The following MAPT variants were observed in gnomAD, a reference collection of about 807,000 sequenced individuals.
MAPT encodes the protein microtubule-associated protein tau.
In MAPT, 34 loss-of-function variants were observed where a neutral mutation model predicts 67.9. The observed-to-expected ratio is 0.50, with a 90% confidence interval of 0.38 to 0.67. The LOEUF (loss-of-function observed/expected upper bound fraction) is 0.67. Ranked by LOEUF, MAPT falls within the 30% of genes least tolerant of loss-of-function variation. MAPT has a pLI of 0.00. For synonymous variants in MAPT, 456 were observed against 464.5 expected (o/e 0.98, Z 0.23); for missense variants, 881 against 1,115.2 (o/e 0.79, Z 2.99).
At chr17:45,970,026 A>G (rs2071490213) in intron 2 of MAPT, among the ~76,000 whole-genome samples, 1 of 145,974 alleles carries the variant, frequency 6.9e-6, no homozygotes, top group South Asian at 2.2e-4. Context: ...CCATCCATCC[A>G]TCCATCCATT....
At chr17:45,968,182 A>C (rs2071277593) in intron 2 of MAPT, among the ~76,000 whole-genome samples, 1 of 151,258 alleles carries the variant, frequency 6.6e-6, no homozygotes, top group African/African-American at 2.4e-5. Flanking sequence ...TCATACAGCC[A>C]GAAAAACAAA....
chr17:45,997,918 G>T (rs373269900), intron 9 of MAPT, among the ~76,000 whole-genome samples: 5 of 152,224 alleles, frequency 3.3e-5, no homozygotes, highest in African/African-American at 1.2e-4. Flanking sequence ...GCTTCAACAT[G>T]TGAATTTGCG....
intron 1 of MAPT, among the ~76,000 whole-genome samples, chr17:45,904,668 G>A (rs1302331198): frequency 1.3e-5 from 2 of 150,134 alleles, no homozygotes; most frequent in Non-Finnish European, 1.5e-5. Context: ...CTCCAGCCTG[G>A]GTAACACAGC....
chr17:45,909,890 AAAAG>A (rs1407095949), intron 1 of MAPT, among the ~76,000 whole-genome samples: 1 of 143,518 alleles, frequency 7.0e-6, no homozygotes, highest in Non-Finnish European at 1.5e-5. Flanking sequence ...AAAAAAAAAA[AAAAG>A]CCATGCCTGG....
rs897995795 is a variant in MAPT, at chr17:45,915,098, G to A, written c.-18+20412G>A. On this transcript the variant is annotated intron_variant, in intron 1 of 12. Coordinates refer to ENST00000262410, the MANE Select transcript of MAPT (RefSeq NM_001377265.1). This position sits in a 1 kb window ranked among gnomAD's most constrained non-coding sequence, Gnocchi z 4.4. ...AAAGGATGAAAATATCCGGAAGAAGGGTTCTTTTAAAAGGCTCCTCAAGTG... is the reference window on the plus strand; with the variant it reads ...AAAGGATGAAAATATCCGGAAGAAGAGTTCTTTTAAAAGGCTCCTCAAGTG... Among the ~76,000 whole-genome samples, 1 of 152,166 alleles carries A rather than the reference G, an allele frequency of 6.6e-6. No homozygotes were observed. Among genetic ancestry groups the A allele is most frequent in the Non-Finnish European group, 1.5e-5 (1 of 68,026 alleles).
intron 3 of MAPT, chr17:45,973,577 C>T (rs1465173726): frequency 1.3e-5 from 2 of 152,222 alleles, no homozygotes; most frequent in East Asian, 1.9e-4. Flanking sequence ...CCCAAGACAA[C>T]CATAATTAAA....
chr17:45,986,612 TC>T (rs1283885966), intron 5 of MAPT, among the ~76,000 whole-genome samples: 1 of 152,162 alleles, frequency 6.6e-6, no homozygotes, highest in Non-Finnish European at 1.5e-5. Context: ...GCTACCAACA[TC>T]CATGGCCCTG....
chr17:45,904,284 AAT>A (rs1448235395), intron 1 of MAPT, among the ~76,000 whole-genome samples: 1 of 45,230 alleles, frequency 2.2e-5, no homozygotes, highest in East Asian at 7.3e-4. Flanking sequence ...TTATATATAT[AAT>A]ATGTATAATA....
At chr17:45,943,639 G>C (rs1430088383) in intron 1 of MAPT, among the ~76,000 whole-genome samples, 1 of 151,984 alleles carries the variant, frequency 6.6e-6, no homozygotes, top group African/African-American at 2.4e-5. Flanking sequence ...CCCATTTCTG[G>C]TCATTTTCTG....
intron 1 of MAPT, among the ~76,000 whole-genome samples, chr17:45,899,161 T>C (rs2063464210): frequency 6.6e-6 from 1 of 152,126 alleles, no homozygotes. Flanking sequence ...AAAACCATGG[T>C]TCTCAACTGG....
At chr17:46,023,703 T>A (rs563828027) in intron 12 of MAPT, among the ~76,000 whole-genome samples, 11 of 152,218 alleles carry the variant, frequency 7.2e-5, no homozygotes, top group Admixed American at 5.2e-4. Context: ...TAGCCAGGTG[T>A]GGTGGCATGC....
intron 1 of MAPT, among the ~76,000 whole-genome samples, chr17:45,934,596 G>A (rs2067150639): frequency 6.6e-6 from 1 of 151,728 alleles, no homozygotes. Flanking sequence ...CCACTGGCTA[G>A]TTAGAGACTG....
intron 2 of MAPT, among the ~76,000 whole-genome samples, chr17:45,970,555 C>T (rs748811820): frequency 1.3e-5 from 2 of 152,244 alleles, no homozygotes; most frequent in Non-Finnish European, 2.9e-5. Context: ...GAACTAGATC[C>T]ACATGTATAA....
chr17:45,996,468 G>A lies in MAPT; in HGVS notation c.1802G>A (p.Arg601His), dbSNP rs115492908. The change falls in exon 9 of 13, where the codon CGC becomes CAC. Residue 601 changes from arginine (R) to histidine (H), a missense_variant. Around this residue, in one of 6 missense-constraint regions of MAPT, gnomAD observed 33 missense variants for 76.0 expected, o/e 0.43. Transcript: ENST00000262410. The surrounding 1 kb of genome is among the most constrained non-coding windows in gnomAD (Gnocchi z 4.5). ...SPGSPGTPGS[R>H]SRTPSLPTPP... The stretch of plus-strand genomic sequence containing the variant: ...GGCTCCCCAGGCACTCCCGGCAGCC[G>A]CTCCCGCACCCCGTCCCTTCCAACC... 5.3e-5 allele frequency: 86 copies of A among 1,612,968 alleles called. 1 individual carries two copies. The African/African-American group carries it at 6.1e-4, about 12-fold the overall frequency.
chr17:46,014,200 C>G, intron 10 of MAPT, 43 bp from the exon 11 acceptor site: 2 of 1,127,552 alleles, frequency 1.8e-6, no homozygotes, highest in African/African-American at 1.5e-5. Context: ...GTCTTCCTCT[C>G]TCTCTGCCTT....
At chr17:45,957,099 T>C (rs899999095) in intron 1 of MAPT, among the ~76,000 whole-genome samples, 2 of 152,210 alleles carry the variant, frequency 1.3e-5, no homozygotes, top group African/African-American at 4.8e-5. Flanking sequence ...TTATATTCCT[T>C]TGGTTATATA....
intron 1 of MAPT, among the ~76,000 whole-genome samples, chr17:45,934,230 C>T (rs1476376345): frequency 6.6e-6 from 1 of 152,072 alleles, no homozygotes; most frequent in Non-Finnish European, 1.5e-5. Context: ...GTCTTAGCTA[C>T]TTGGGAGGCT....
At position 45,996,816 on chromosome 17, in the gene MAPT, C is replaced by G. The variant is rs2074522252; in HGVS notation, c.1998+152C>G. On this transcript the variant is annotated intron_variant, in intron 9 of 12. Transcript: ENST00000262410. This position sits in a 1 kb window ranked among gnomAD's most constrained non-coding sequence, Gnocchi z 4.5. ...AGGTGTGGGGCTCCCCGCACCTGAG[C>G]ACCCCCGCATAACACCCCAGTCCCC... 2.8e-6 allele frequency: 3 copies of G among 1,083,846 alleles called. No homozygotes were observed. In the East Asian group the frequency reaches 7.8e-5, roughly 28 times the overall value. 67.1% of individuals were successfully genotyped at this position (1,083,846 alleles called of 1,614,324 possible).
At chr17:46,019,171 G>T (rs947490313) in intron 12 of MAPT, among the ~76,000 whole-genome samples, 3 of 152,132 alleles carry the variant, frequency 2.0e-5, no homozygotes, top group East Asian at 1.9e-4. Context: ...AGAAGCAAAG[G>T]CATTTCTTAC....
Sources: allele counts gnomAD v4.1 joint callset (sites outside exome capture counted in the v4.1 genomes callset), GRCh38; gene constraint gnomAD v4.1.1; regional missense constraint gnomAD v4.1.1; non-coding constraint Gnocchi (gnomAD v3.1); transcripts MANE v1.5; gene names NCBI Gene and HGNC (gene_info 2026-07-23, HGNC 2026-07-21).